RBFOX1: variants seen among roughly 807,000 people sequenced by gnomAD.
The protein encoded by RBFOX1 is RNA binding protein fox-1 homolog 1.
RBFOX1 carries 8 observed loss-of-function variants against 57.7 expected under a neutral mutation model. The observed-to-expected ratio is 0.14, with a 90% CI of 0.08 to 0.25. The LOEUF (loss-of-function observed/expected upper bound fraction) is 0.25. Ranked by LOEUF, RBFOX1 falls within the 10% of genes least tolerant of loss-of-function variation. The pLI, the probability that RBFOX1 is intolerant of heterozygous loss-of-function variation, is 1.00. For missense variants in RBFOX1, 611 were observed against 548.5 expected (o/e 1.11, Z -1.14); for synonymous variants, 326 against 222.4 (o/e 1.47, Z -4.15).
intron 4 of RBFOX1, among the ~76,000 whole-genome samples, chr16:7,116,140 ATTCTC>A (rs1432582848): frequency 2.0e-5 from 3 of 152,172 alleles, no homozygotes; most frequent in Admixed American, 6.5e-5. Context: ...GGCTTCTGAA[ATTCTC>A]TTCTCCGTGT....
rs114649228 is a variant in RBFOX1, at chr16:5,494,996, G to T, written c.258+27742G>T. On this transcript the variant is annotated intron_variant, in intron 2 of 2. Coordinates refer to the RBFOX1 transcript ENST00000585867. ...AAAATCCCAGGCATCAGTTTTACGT[G>T]ACTAGTGTATTAGTTCGTTCTCATA... Among the ~76,000 whole-genome samples, 354 of 152,270 alleles carry T rather than the reference G, an allele frequency of 2.3e-3. 1 individual carries two copies. Among genetic ancestry groups the T allele is most frequent in the African/African-American group, 7.7e-3 (320 of 41,548 alleles).
At chr16:6,066,293 CAAAA>C (rs372412356) in intron 1 of RBFOX1, among the ~76,000 whole-genome samples, 23 of 50,380 alleles carry the variant, frequency 4.6e-4, no homozygotes, top group African/African-American at 3.1e-3. Flanking sequence ...GACTCTGTCT[CAAAA>C]AAAAAAAAAA....
chr16:5,873,126 T>C (rs1186646995), intron 4 of RBFOX1, among the ~76,000 whole-genome samples: 1 of 152,102 alleles, frequency 6.6e-6, no homozygotes, highest in Non-Finnish European at 1.5e-5. Context: ...TAGTCCAGCC[T>C]AGCAACAGAG....
chr16:6,284,573 A>T (rs1023576294), intron 1 of RBFOX1, among the ~76,000 whole-genome samples: 1 of 152,196 alleles, frequency 6.6e-6, no homozygotes, highest in Non-Finnish European at 1.5e-5. Flanking sequence ...CATAGCAACA[A>T]TATTTTATAG....
intron 3 of RBFOX1, among the ~76,000 whole-genome samples, chr16:6,800,548 TTAAG>T (rs2085166889): frequency 6.6e-6 from 1 of 152,124 alleles, no homozygotes; most frequent in Non-Finnish European, 1.5e-5. Flanking sequence ...ACGCTACACT[TTAAG>T]TAACAAGCTT....
chr16:5,355,850 G>C (rs992185476), intron 1 of RBFOX1, among the ~76,000 whole-genome samples: 2 of 152,124 alleles, frequency 1.3e-5, no homozygotes, highest in East Asian at 3.9e-4. Flanking sequence ...CAGCCCTTTC[G>C]GAGGCCGAGG....
chr16:5,586,849 G>T (rs1428901495), intron 2 of RBFOX1, among the ~76,000 whole-genome samples: 1 of 152,170 alleles, frequency 6.6e-6, no homozygotes, highest in Non-Finnish European at 1.5e-5. Flanking sequence ...AGGTAGCATT[G>T]ATGAGGTTTG....
chr16:7,662,787 G>T (rs2068097573), intron 12 of RBFOX1, among the ~76,000 whole-genome samples: 1 of 152,316 alleles, frequency 6.6e-6, no homozygotes, highest in Non-Finnish European at 1.5e-5. Flanking sequence ...CCATCCCTTT[G>T]CAAGCATTAT....
intron 1 of RBFOX1, among the ~76,000 whole-genome samples, chr16:5,404,056 T>G (rs2066793836): frequency 1.1e-5 from 1 of 90,878 alleles, no homozygotes; most frequent in Admixed American, 1.7e-4. Flanking sequence ...GAAAGCAGCT[T>G]GGCTTGTCTG....
intron 4 of RBFOX1, among the ~76,000 whole-genome samples, chr16:7,468,085 C>T (rs1173597038): frequency 2.6e-5 from 4 of 152,180 alleles, no homozygotes; most frequent in African/African-American, 4.8e-5. Context: ...TGCAAATAAG[C>T]GAGCATCACA....
At chr16:5,581,797 G>A (rs1013806570) in intron 2 of RBFOX1, among the ~76,000 whole-genome samples, 12 of 152,166 alleles carry the variant, frequency 7.9e-5, no homozygotes, top group African/African-American at 2.9e-4. Context: ...GAGCGAGTGG[G>A]AGGCAGACCA....
At chr16:6,316,615 G>C (rs1425185307) in intron 1 of RBFOX1, among the ~76,000 whole-genome samples, 1 of 152,152 alleles carries the variant, frequency 6.6e-6, no homozygotes, top group Non-Finnish European at 1.5e-5. Context: ...AACACCTCCT[G>C]TGACAAGAAC....
chr16:5,763,698 C>T (rs2053668707), intron 3 of RBFOX1, among the ~76,000 whole-genome samples: 1 of 152,164 alleles, frequency 6.6e-6, no homozygotes, highest in Non-Finnish European at 1.5e-5. Context: ...GCGATTTAGC[C>T]CCAACGATCA....
intron 4 of RBFOX1, among the ~76,000 whole-genome samples, chr16:5,925,283 C>T (rs374878702): frequency 2.0e-5 from 3 of 152,152 alleles, no homozygotes; most frequent in Non-Finnish European, 2.9e-5. Context: ...AGTGAACAGA[C>T]AAAATGCTGT....
At chr16:7,530,788 G>C (rs990920086) in intron 5 of RBFOX1, among the ~76,000 whole-genome samples, 1 of 152,194 alleles carries the variant, frequency 6.6e-6, no homozygotes, top group Non-Finnish European at 1.5e-5. Context: ...TCTGCCCCTG[G>C]TAGAAACATA....
chr16:6,813,847 C>G (rs897501918), intron 3 of RBFOX1, among the ~76,000 whole-genome samples: 1 of 152,026 alleles, frequency 6.6e-6, no homozygotes, highest in African/African-American at 2.4e-5. Context: ...CCCAACCCCT[C>G]TGGCTTCCAT....
At chr16:7,304,440 G>T (rs1033745060) in intron 4 of RBFOX1, 1 of 985,272 alleles carries the variant, frequency 1.0e-6, no homozygotes, top group African/African-American at 1.7e-5. Context: ...ACGTGGGCAT[G>T]TGTCCCCAGC....
intron 3 of RBFOX1, among the ~76,000 whole-genome samples, chr16:6,902,683 C>G (rs566688990): frequency 6.6e-5 from 10 of 152,138 alleles, no homozygotes; most frequent in Non-Finnish European, 1.3e-4. Flanking sequence ...GATTGTGCCA[C>G]TGCACTCCGG....
intron 4 of RBFOX1, among the ~76,000 whole-genome samples, chr16:7,462,585 T>C (rs1178949732): frequency 6.6e-6 from 1 of 152,240 alleles, no homozygotes; most frequent in Non-Finnish European, 1.5e-5. Flanking sequence ...AACTGGGTCC[T>C]CTGTTTAGAG....
Sources: gnomAD v4.1 joint callset for allele counts (sites outside exome capture counted in the v4.1 genomes callset) on GRCh38, gnomAD v4.1.1 for gene constraint, MANE v1.5 for transcripts, NCBI Gene and HGNC (gene_info 2026-07-23, HGNC 2026-07-21) for gene names.